HCN1: variants seen among roughly 807,000 people sequenced by gnomAD.
The protein encoded by HCN1 is hyperpolarization activated cyclic nucleotide gated potassium channel 1, also known as potassium/sodium hyperpolarization-activated cyclic nucleotide-gated channel 1.
HCN1 carries 13 observed loss-of-function variants against 78.9 expected under a neutral mutation model. The observed-to-expected ratio is 0.16, with a 90% CI of 0.11 to 0.26. The LOEUF (loss-of-function observed/expected upper bound fraction) is 0.26. Ranked by LOEUF, HCN1 falls within the 10% of genes least tolerant of loss-of-function variation. The pLI is 1.00. For synonymous variants in HCN1, 552 were observed against 455.5 expected, an observed-to-expected ratio of 1.21 and a Z score of -2.70; for missense variants, 810 against 1,154.3, an observed-to-expected ratio of 0.70 and a Z score of 4.32.
chr5:45,522,840 C>CT lies in HCN1; in HGVS notation c.850-60834dup, dbSNP rs201120014. 2.4e-3 allele frequency among the ~76,000 whole-genome samples: 361 copies of CT among 150,882 alleles called. 1 individual carries two copies. Among genetic ancestry groups the CT allele is most frequent in the Middle Eastern group, 6.8e-3 (2 of 294 alleles). Reference sequence around the variant, plus strand: ...ATATTGTCCAAGTCTGCTTTCACATCTTTTTTTTTCCTTTTTTAAATTTTA... The same window carrying CT: ...ATATTGTCCAAGTCTGCTTTCACATCTTTTTTTTTTCCTTTTTTAAATTTTA... On this transcript the variant is annotated intron_variant, in intron 2 of 7. Coordinates refer to ENST00000303230, the MANE Select transcript of HCN1 (RefSeq NM_021072.4).
chr5:45,569,199 A>G (rs575482873), intron 2 of HCN1, among the ~76,000 whole-genome samples: 22 of 152,284 alleles, frequency 1.4e-4, no homozygotes, highest in Admixed American at 3.3e-4. Context: ...CCATTAAAAT[A>G]TACTATTTTC....
intron 2 of HCN1, among the ~76,000 whole-genome samples, chr5:45,637,039 T>C (rs1017989191): frequency 3.9e-5 from 6 of 152,174 alleles, no homozygotes; most frequent in East Asian, 1.9e-4. Flanking sequence ...ATTTGAACCT[T>C]AGATTCTATG....
chr5:45,627,029 A>G (rs987932184), intron 2 of HCN1, among the ~76,000 whole-genome samples: 1 of 151,956 alleles, frequency 6.6e-6, no homozygotes, highest in African/African-American at 2.4e-5. Context: ...ACATATATAT[A>G]TAACTGGGTC....
intron 3 of HCN1, among the ~76,000 whole-genome samples, chr5:45,456,119 A>G (rs1179395451): frequency 6.6e-6 from 1 of 151,920 alleles, no homozygotes; most frequent in East Asian, 1.9e-4. Flanking sequence ...ACTTTTTGGA[A>G]ATTAATATAT....
At chr5:45,387,475 A>G (rs974550902) in intron 4 of HCN1, among the ~76,000 whole-genome samples, 8 of 152,086 alleles carry the variant, frequency 5.3e-5, no homozygotes, top group African/African-American at 1.9e-4. Context: ...ATTTTTTTTA[A>G]TAACAGTGAT....
intron 3 of HCN1, among the ~76,000 whole-genome samples, chr5:45,418,869 T>C (rs990015858): frequency 6.6e-6 from 1 of 152,170 alleles, no homozygotes; most frequent in African/African-American, 2.4e-5. Context: ...TTATATATAA[T>C]TCTATATGTC....
intron 3 of HCN1, among the ~76,000 whole-genome samples, chr5:45,420,274 T>C (rs1201363334): frequency 6.6e-6 from 1 of 152,200 alleles, no homozygotes. Flanking sequence ...TTATCAATAT[T>C]CATCCTTATT....
intron 1 of HCN1, among the ~76,000 whole-genome samples, chr5:45,678,039 A>C (rs1482859336): frequency 6.6e-6 from 1 of 151,260 alleles, no homozygotes; most frequent in African/African-American, 2.4e-5. Flanking sequence ...ATAACGTTAA[A>C]CAGAAAAGTT....
At chr5:45,468,034 CA>C (rs1741313716) in intron 2 of HCN1, among the ~76,000 whole-genome samples, 1 of 152,044 alleles carries the variant, frequency 6.6e-6, no homozygotes, top group Non-Finnish European at 1.5e-5. Context: ...AGGCACAAAG[CA>C]AAATTTGATT....
chr5:45,373,375 TTA>T lies in HCN1; in HGVS notation c.1231-20131_1231-20130del, dbSNP rs1268743950. On this transcript the variant is annotated intron_variant, in intron 4 of 7. Coordinates refer to ENST00000303230, the MANE Select transcript of HCN1 (RefSeq NM_021072.4). ...TATATTTATAAATATAATATATATT[TTA>T]TATAATATATGTAAATATATATTAT... 4.3e-5 allele frequency among the ~76,000 whole-genome samples: 5 copies of T among 115,956 alleles called. 1 individual carries two copies. The highest frequency in any genetic ancestry group is 1.5e-4 in the African/African-American group (4 of 26,882). The allele number at this position is 115,956 out of a possible 152,430, so 76.1% of individuals were successfully genotyped here.
chr5:45,506,985 T>C (rs1271433826), intron 2 of HCN1, among the ~76,000 whole-genome samples: 1 of 152,128 alleles, frequency 6.6e-6, no homozygotes, highest in Non-Finnish European at 1.5e-5. Flanking sequence ...TAAAGAGATA[T>C]ATTGTATACT....
chr5:45,590,471 T>C (rs912170310), intron 2 of HCN1, among the ~76,000 whole-genome samples: 1 of 152,208 alleles, frequency 6.6e-6, no homozygotes, highest in African/African-American at 2.4e-5. Context: ...TTTGGTATAG[T>C]TACAGTTGAT....
chr5:45,541,738 T>C lies in HCN1; in HGVS notation c.850-79731A>G, dbSNP rs187720391. ...TGTGGCTTACTGATGTATCTTTTCT[T>C]CTTCTTTGGGAAGGGGATAAATAGT... On this transcript the variant is annotated intron_variant, in intron 2 of 7. Transcript: ENST00000303230. 3.3e-3 allele frequency among the ~76,000 whole-genome samples: 501 copies of C among 152,326 alleles called. 3 individuals carry two copies. The highest frequency in any genetic ancestry group is 5.6e-3 in the Non-Finnish European group (379 of 68,020).
intron 1 of HCN1, among the ~76,000 whole-genome samples, chr5:45,645,996 T>A (rs1745541213): frequency 6.6e-6 from 1 of 151,996 alleles, no homozygotes; most frequent in South Asian, 2.1e-4. Flanking sequence ...TTGGGAAGGC[T>A]CTTTGAAGAT....
chr5:45,607,097 T>C (rs1037910225), intron 2 of HCN1, among the ~76,000 whole-genome samples: 2 of 151,746 alleles, frequency 1.3e-5, no homozygotes, highest in Non-Finnish European at 2.9e-5. Context: ...GCCTTCAAAT[T>C]TGAAACTTAG....
rs1429433656 is a variant in HCN1 at position 45,372,365 on chromosome 5, A to T, written c.1231-19119T>A. On this transcript the variant is annotated intron_variant, in intron 4 of 7. Transcript: ENST00000303230. The stretch of plus-strand genomic sequence containing the variant: ...CATATATATTTTACATATTATATAT[A>T]AAACATATATATTATATAAATATGT... 1.0e-3 allele frequency among the ~76,000 whole-genome samples: 115 copies of T among 109,632 alleles called. 2 individuals are homozygous for T. Among genetic ancestry groups the T allele is most frequent in the African/African-American group, 4.1e-3 (110 of 26,524 alleles). 71.9% of individuals were successfully genotyped at this position (109,632 alleles called of 152,430 possible).
intron 2 of HCN1, among the ~76,000 whole-genome samples, chr5:45,593,208 ACGCG>A (rs768359466): frequency 3.2e-5 from 3 of 93,978 alleles, no homozygotes; most frequent in Admixed American, 2.5e-4. Flanking sequence ...GCATGCACGC[ACGCG>A]CACACACACA....
At chr5:45,333,066 C>T (rs1323219801) in intron 5 of HCN1, among the ~76,000 whole-genome samples, 2 of 151,706 alleles carry the variant, frequency 1.3e-5, no homozygotes, top group African/African-American at 2.4e-5. Flanking sequence ...AAGCTCCAAA[C>T]TGTTTTCCAT....
At chr5:45,618,862 C>T (rs950562220) in intron 2 of HCN1, among the ~76,000 whole-genome samples, 25 of 151,218 alleles carry the variant, frequency 1.7e-4, no homozygotes, top group South Asian at 8.3e-4. Context: ...GCAATCTAGA[C>T]GGGATATAAA....
Sources: allele counts gnomAD v4.1 joint callset (sites outside exome capture counted in the v4.1 genomes callset), GRCh38; gene constraint gnomAD v4.1.1; transcripts MANE v1.5; gene names NCBI Gene and HGNC (gene_info 2026-07-23, HGNC 2026-07-21).